The following MUC5AC variants were observed in gnomAD, a reference collection of about 807,000 sequenced individuals.
The protein encoded by MUC5AC is mucin-5AC.
In MUC5AC, 158 loss-of-function variants were observed where a neutral mutation model predicts 169.7. The ratio of observed to expected loss-of-function variants is 0.93; its 90% CI spans 0.82 to 1.06. The LOEUF (loss-of-function observed/expected upper bound fraction) is 1.06, where lower values mean the gene tolerates loss of function less well. MUC5AC is among the 50% of genes least tolerant of loss of function. MUC5AC has a pLI of 0.00. For missense variants in MUC5AC, 4,359 were observed against 3,089.9 expected (o/e 1.41, Z -9.74); for synonymous variants, 1,975 against 1,237.0 (o/e 1.60, Z -12.52).
chr11:1,189,269 T>G lies in MUC5AC; in HGVS notation c.11124T>G (p.Pro3708=), dbSNP rs1430075083. 10 of 582,228 alleles carry G rather than the reference T, an allele frequency of 1.7e-5. No homozygotes were observed. The highest frequency in any genetic ancestry group is 3.8e-5 in the African/African-American group (2 of 52,932). 36.1% of individuals were successfully genotyped at this position (582,228 alleles called of 1,614,324 possible). ...CCACAACGAGCACAACTTCTGCCCC[T>G]ACAACCAGCACAACCTCCACTCCAC... The part of the protein sequence containing the change: ...SAPTTSTTSA[P]TTSTTSTPQT... The change falls in exon 31 of 49, where the codon CCT becomes CCG. Residue 3708 remains proline, a synonymous_variant. Coordinates refer to ENST00000621226, the MANE Select transcript of MUC5AC (RefSeq NM_001304359.2).
intron 5 of MUC5AC, 104 bp downstream of exon 5, chr11:1,162,750 A>G: frequency 8.7e-7 from 1 of 1,149,262 alleles, no homozygotes; most frequent in South Asian, 1.3e-5. Flanking sequence ...GGGCCCAGTC[A>G]GGGTCAGACT....
rs1213508682 is a variant in MUC5AC at position 1,162,897 on chromosome 11, C to T, written c.589-58C>T. 4.6e-6 allele frequency: 7 copies of T among 1,514,978 alleles called. No homozygotes were observed. In the East Asian group the frequency reaches 1.6e-4, roughly 34 times the overall value. 93.8% of individuals were successfully genotyped at this position (1,514,978 alleles called of 1,614,324 possible). On this transcript the variant is annotated intron_variant, in intron 5 of 48. Coordinates refer to ENST00000621226, the MANE Select transcript of MUC5AC (RefSeq NM_001304359.2). ...CCTCCTCGGAAATCTCAGGCTCGAG[C>T]CTCATCTGTCCATCTGCCCCTGGTG...
Position 1,191,706 on chromosome 11 carries a change from A to T in MUC5AC, c.13561A>T (p.Thr4521Ser), listed in dbSNP as rs1861105989. 1 of 706,168 alleles carries T rather than the reference A, an allele frequency of 1.4e-6. No individual in the cohort carries two copies. Among genetic ancestry groups the T allele is most frequent in the Non-Finnish European group, 2.6e-6 (1 of 387,672 alleles). 43.7% of individuals were successfully genotyped at this position (706,168 alleles called of 1,614,324 possible). A position where few individuals can be genotyped will look rare whatever the true frequency, so the allele number is the denominator to read the frequency against. ...TTPSPVPTTS[T>S]TSAPTTSTTS... ...TCCCAGCCCTGTTCCCACCACCAGC[A>T]CAACCTCTGCTCCTACAACCAGCAC... Residue 4521 changes from threonine to serine, a missense_variant, in exon 31 of 49, where the codon ACA becomes TCA. Physicochemically the swap from Thr to Ser is moderately conservative, Grantham distance 58. Transcript: ENST00000621226.
Position 1,191,305 on chromosome 11 carries a change from C to G in MUC5AC, c.13160C>G (p.Ser4387Cys). 1.3e-6 allele frequency: 1 copy of G among 744,774 alleles called. No homozygotes were observed. Among genetic ancestry groups the G allele is most frequent in the Non-Finnish European group, 2.5e-6 (1 of 407,886 alleles). 46.1% of individuals were successfully genotyped at this position (744,774 alleles called of 1,614,324 possible). A position where few individuals can be genotyped will look rare whatever the true frequency, so the allele number is the denominator to read the frequency against. Residue 4387 changes from serine to cysteine, a missense_variant, in exon 31 of 49, where the codon TCT becomes TGT. Transcript: ENST00000621226. ...PSPVPTTSTT[S>C]APTTRTTSAS... The stretch of plus-strand genomic sequence containing the variant: ...CCTGTTCCCACCACCAGCACAACCT[C>G]TGCTCCTACAACCAGAACAACCTCT...
At chr11:1,176,047 C>T (rs1860677937) in intron 19 of MUC5AC, 104 bp from the exon 20 acceptor site, 1 of 398,550 alleles carries the variant, frequency 2.5e-6, no homozygotes. Flanking sequence ...CACACGCACC[C>T]ACTCAATGTG....
Position 1,169,202 on chromosome 11 carries a change from G to A in MUC5AC, c.1870+176G>A. ...GGGCGCCCAACCCAGCTTATGTGGA[G>A]CTTCAGGAATGTGGGGCATCTGCTT... On this transcript the variant is annotated intron_variant, in intron 15 of 48. Transcript: ENST00000621226. The A allele has an allele frequency of 3.1e-6, 3 of 971,060 alleles. No individual in the cohort carries two copies. In the South Asian group the frequency reaches 1.4e-4, roughly 46 times the overall value. 60.2% of individuals were successfully genotyped at this position (971,060 alleles called of 1,614,324 possible).
chr11:1,190,494 T>A lies in MUC5AC; in HGVS notation c.12349T>A (p.Ser4117Thr). The change falls in exon 31 of 49, where the codon TCT (serine) becomes ACT (threonine). Residue 4117 changes from serine to threonine, a missense_variant. Transcript: ENST00000621226. ...SAPTTSTIPA[S>T]TPSTTSAPTT... Reference sequence around the variant, plus strand: ...CCCTACAACCAGCACAATCCCTGCTTCTACACCCAGCACAACCTCTGCCCC... The same window carrying A: ...CCCTACAACCAGCACAATCCCTGCTACTACACCCAGCACAACCTCTGCCCC... 1 of 678,226 alleles carries A rather than the reference T, an allele frequency of 1.5e-6. No homozygotes were observed. Among genetic ancestry groups the A allele is most frequent in the Non-Finnish European group, 2.7e-6 (1 of 374,654 alleles). The allele number at this position is 678,226 out of a possible 1,614,324, so 42.0% of individuals were successfully genotyped here.
rs753009980 is a variant in MUC5AC at position 1,192,394 on chromosome 11, C to T, written c.14249C>T (p.Ser4750Phe). ...GTSPTNALYP[S>F]LSTSMVSASV... ...TCTCCTACCAATGCTCTGTATCCTT[C>T]CCTGTCTACTTCCATGGTATCCGCC... is the stretch of plus-strand genomic sequence containing the variant. The change falls in exon 31 of 49, where the codon TCC becomes TTC. Residue 4750 changes from serine to phenylalanine, a missense_variant. Transcript: ENST00000621226. The T allele has an allele frequency of 3.9e-6, 3 of 765,156 alleles. No homozygotes were observed. Among genetic ancestry groups the T allele is most frequent in the East Asian group, 4.8e-5 (2 of 41,256 alleles). The allele number at this position is 765,156 out of a possible 1,614,324, so 47.4% of individuals were successfully genotyped here.
chr11:1,200,601 C>T lies in MUC5AC; in HGVS notation c.16864C>T (p.Pro5622Ser), dbSNP rs749142838. 1 of 764,508 alleles carries T rather than the reference C, an allele frequency of 1.3e-6. No homozygotes were observed. Among genetic ancestry groups the T allele is most frequent in the Non-Finnish European group, 2.4e-6 (1 of 417,544 alleles). The allele number at this position is 764,508 out of a possible 1,614,324, so 47.4% of individuals were successfully genotyped here. A position where few individuals can be genotyped will look rare whatever the true frequency, so the allele number is the denominator to read the frequency against. Reference protein sequence around the residue: ...CGCMGRRCPAPGDTQHSEEAE... With the variant: ...CGCMGRRCPASGDTQHSEEAE... ...CTGCATGGGCCGGCGGTGCCCTGCG[C>T]CGGGCGACACCCAGCACTCGGAGGA... Residue 5622 changes from proline to serine, a missense_variant, in exon 49 of 49, where the codon CCG becomes TCG. Physicochemically the swap from Pro to Ser is moderately conservative, Grantham distance 74. Coordinates refer to ENST00000621226, the MANE Select transcript of MUC5AC (RefSeq NM_001304359.2).
rs1053437166 is a variant in MUC5AC, at chr11:1,180,044, C to T, written c.3507C>T (p.Asn1169=). Residue 1169 remains asparagine (N), a synonymous_variant, in exon 27 of 49, where the codon AAC becomes AAT. Coordinates refer to ENST00000621226, the MANE Select transcript of MUC5AC (RefSeq NM_001304359.2). Reference sequence around the variant, plus strand: ...CAGCTCTGTTCTGCGACTACTACAACCCCGAAGGCCAGTGCGAGTGGCACT... The same window carrying T: ...CAGCTCTGTTCTGCGACTACTACAATCCCGAAGGCCAGTGCGAGTGGCACT... ...SICPLFCDYY[N]PEGQCEWHYQ... 16 of 398,878 alleles carry T rather than the reference C, an allele frequency of 4.0e-5. No homozygotes were observed. The highest frequency in any genetic ancestry group is 5.9e-4 in the Middle Eastern group (1 of 1,706). The allele number at this position is 398,878 out of a possible 1,614,324, so 24.7% of individuals were successfully genotyped here. A position where few individuals can be genotyped will look rare whatever the true frequency, so the allele number is the denominator to read the frequency against.
At position 1,185,405 on chromosome 11, in the gene MUC5AC, A is replaced by C. The variant is rs1230217355; in HGVS notation, c.7260A>C (p.Thr2420=). 1.4e-6 allele frequency: 1 copy of C among 731,112 alleles called. No homozygotes were observed. Among genetic ancestry groups the C allele is most frequent in the Non-Finnish European group, 2.5e-6 (1 of 400,930 alleles). The allele number at this position is 731,112 out of a possible 1,614,324, so 45.3% of individuals were successfully genotyped here. A position where few individuals can be genotyped will look rare whatever the true frequency, so the allele number is the denominator to read the frequency against. ...CAACCTCAGCTCCTACAACCAGCAC[A>C]ACCTCTGCCCCTACAAGCAGCACAA... ...TSTTSAPTTS[T]TSAPTSSTTS... Residue 2420 remains threonine (T), a synonymous_variant, in exon 31 of 49, where the codon ACA becomes ACC. Transcript: ENST00000621226.
At chr11:1,198,436 G>A in intron 43 of MUC5AC, 131 bp downstream of exon 43, 1 of 669,508 alleles carries the variant, frequency 1.5e-6, no homozygotes, top group Non-Finnish European at 2.8e-6. Context: ...TGCAGACACA[G>A]CCCACTATCA....
chr11:1,194,678 C>A lies in MUC5AC; in HGVS notation c.15190+8C>A. 1 of 743,752 alleles carries A rather than the reference C, an allele frequency of 1.3e-6. No homozygotes were observed. Among genetic ancestry groups the A allele is most frequent in the Non-Finnish European group, 2.5e-6 (1 of 404,504 alleles). 46.1% of individuals were successfully genotyped at this position (743,752 alleles called of 1,614,324 possible). ...ACACCGAGGGCCAGTGCGGTGAGGC[C>A]ACAGGGCTCCCGGGCATCGTCTGGC... On this transcript the variant is annotated splice_region_variant and intron_variant, in intron 35 of 48. Coordinates refer to ENST00000621226, the MANE Select transcript of MUC5AC (RefSeq NM_001304359.2).
At chr11:1,179,976 G>C (rs1391439361) in intron 26 of MUC5AC, 46 bp from the exon 27 acceptor site, 40 of 398,540 alleles carry the variant, frequency 1.0e-4, no homozygotes, top group Middle Eastern at 6.3e-4. Flanking sequence ...GGGCCTCTGC[G>C]AGTGAGTTCC....
chr11:1,190,968 T>A lies in MUC5AC; in HGVS notation c.12823T>A (p.Ser4275Thr). The change falls in exon 31 of 49, where the codon TCT becomes ACT. Residue 4275 changes from serine to threonine, a missense_variant. Coordinates refer to ENST00000621226, the MANE Select transcript of MUC5AC (RefSeq NM_001304359.2). ...CTCTGCTGCTACAACCAGCACAACC[T>A]CTGCTCCTACAACCAGAACAACATC... Reference protein sequence around the residue: ...TTSAATTSTTSAPTTRTTSAP... With the variant: ...TTSAATTSTTTAPTTRTTSAP... The A allele has an allele frequency of 1.3e-6, 1 of 742,422 alleles. No homozygotes were observed. The allele number at this position is 742,422 out of a possible 1,614,324, so 46.0% of individuals were successfully genotyped here. A position where few individuals can be genotyped will look rare whatever the true frequency, so the allele number is the denominator to read the frequency against.
intron 1 of MUC5AC, among the ~76,000 whole-genome samples, chr11:1,159,540 G>A (rs1216025034): frequency 3.2e-4 from 3 of 9,258 alleles, no homozygotes; most frequent in Non-Finnish European, 1.8e-3. Context: ...GTTCTGTGCG[G>A]GGCTGTGCGG....
chr11:1,173,445 C>CCACT (rs1266139459), intron 16 of MUC5AC, among the ~76,000 whole-genome samples: 1 of 150,646 alleles, frequency 6.6e-6, no homozygotes. Flanking sequence ...ATCCACTCAT[C>CCACT]CACTCACTCA....
rs757189805 is a variant in MUC5AC, at chr11:1,194,307, C to G, written c.14953C>G (p.Gln4985Glu). ...CPRSIILEYHQDRVVLTRKPV... is the reference protein window; with the variant it reads ...CPRSIILEYHEDRVVLTRKPV... ...GAGGTCCATCATCCTGGAGTACCAC[C>G]AGGACCGCGTGGTGCTGACCCGCAA... Residue 4985 changes from glutamine to glutamate, a missense_variant, in exon 34 of 49, where the codon CAG becomes GAG. Physicochemically the swap from Gln to Glu is conservative, Grantham distance 29. Transcript: ENST00000621226. 6.7e-6 allele frequency: 5 copies of G among 747,888 alleles called. No homozygotes were observed. The African/African-American group carries it at 8.5e-5, about 13-fold the overall frequency. The allele number at this position is 747,888 out of a possible 1,614,324, so 46.3% of individuals were successfully genotyped here. A position where few individuals can be genotyped will look rare whatever the true frequency, so the allele number is the denominator to read the frequency against.
At chr11:1,159,557 GCGGGGC>G (rs1860068927) in intron 1 of MUC5AC, among the ~76,000 whole-genome samples, 13 of 5,942 alleles carry the variant, frequency 2.2e-3, no homozygotes, top group South Asian at 5.2e-3. Context: ...GCGGGGCTGT[GCGGGGC>G]TGTGCGGGGC....
Sources: gnomAD v4.1 joint callset for allele counts (sites outside exome capture counted in the v4.1 genomes callset) on GRCh38, gnomAD v4.1.1 for gene constraint, MANE v1.5 for transcripts, NCBI Gene and HGNC (gene_info 2026-07-23, HGNC 2026-07-21) for gene names.